The following DGLUCY variants were observed in gnomAD, a reference collection of about 807,000 sequenced individuals.
The protein encoded by DGLUCY is D-glutamate cyclase, also known as D-glutamate cyclase, mitochondrial.
Under a neutral mutation model 58.5 loss-of-function variants are expected in DGLUCY, and 58 were observed. The observed-to-expected ratio is 0.99, with a 90% confidence interval of 0.80 to 1.23. DGLUCY has a LOEUF of 1.23. DGLUCY is among the 50% of genes most tolerant of loss of function. DGLUCY has a pLI of 0.00. For synonymous variants in DGLUCY, 325 were observed against 314.1 expected (o/e 1.03, Z -0.37); for missense variants, 779 against 784.7 (o/e 0.99, Z 0.09).
At chr14:91,213,728 C>G (rs1886085912) in intron 12 of DGLUCY, among the ~76,000 whole-genome samples, 1 of 83,552 alleles carries the variant, frequency 1.2e-5, no homozygotes, top group African/African-American at 4.7e-5. Flanking sequence ...GTTACGGAGT[C>G]TTGGTCTGTT....
At chr14:91,098,583 TC>T (rs2044433225) in intron 1 of DGLUCY, among the ~76,000 whole-genome samples, 1 of 152,228 alleles carries the variant, frequency 6.6e-6, no homozygotes, top group African/African-American at 2.4e-5. Flanking sequence ...AACAACTGGC[TC>T]ACAAACTTCC....
At chr14:91,168,007 G>A (rs529257879) in intron 4 of DGLUCY, among the ~76,000 whole-genome samples, 3 of 152,318 alleles carry the variant, frequency 2.0e-5, no homozygotes, top group East Asian at 3.9e-4. Context: ...GTTCATGCCT[G>A]TAATCCCAGT....
intron 1 of DGLUCY, among the ~76,000 whole-genome samples, chr14:91,066,417 A>G (rs1470077252): frequency 1.3e-5 from 2 of 151,650 alleles, no homozygotes; most frequent in East Asian, 3.9e-4. Context: ...AAGGAAAGAA[A>G]AGAAACTGAC....
chr14:91,224,768 C>G lies in DGLUCY; in HGVS notation c.1801C>G (p.Pro601Ala), dbSNP rs546491574. The G allele has an allele frequency of 1.2e-6, 2 of 1,613,678 alleles. No homozygotes were observed. The highest frequency in any genetic ancestry group is 1.7e-4 in the Middle Eastern group (1 of 6,060). ...GIVGMEVDGL[P>A]FHNTHAEMIQ... is the part of the protein sequence containing the mutation. ...CGTGGGCATGGAGGTGGATGGGCTG[C>G]CCTTCCACAACACCCACGCCGAGAT... is the stretch of plus-strand genomic sequence containing the variant. The change falls in exon 14 of 14, where the codon CCC becomes GCC. Residue 601 changes from proline to alanine, a missense_variant. By Grantham distance (27) the Pro-to-Ala change is conservative (BLOSUM62 -1). Transcript: ENST00000256324.
At chr14:91,218,408 T>C (rs544959788) in intron 13 of DGLUCY, among the ~76,000 whole-genome samples, 8 of 152,012 alleles carry the variant, frequency 5.3e-5, no homozygotes, top group African/African-American at 9.6e-5. Flanking sequence ...ATGGGGATTT[T>C]TTTTTTTTTT....
At chr14:91,157,162 G>GAT (rs2047686469) in intron 1 of DGLUCY, among the ~76,000 whole-genome samples, 5 of 138,794 alleles carry the variant, frequency 3.6e-5, no homozygotes, top group Admixed American at 7.4e-5. Context: ...TGGATGAATG[G>GAT]GTGGATGGAT....
At chr14:91,085,697 G>T (rs2044205681) in intron 1 of DGLUCY, among the ~76,000 whole-genome samples, 1 of 152,006 alleles carries the variant, frequency 6.6e-6, no homozygotes, top group South Asian at 2.1e-4. Context: ...AGCCTCCCAG[G>T]TAGCTGGGAT....
At chr14:91,086,990 G>A (rs1356566446) in intron 1 of DGLUCY, among the ~76,000 whole-genome samples, 1 of 152,056 alleles carries the variant, frequency 6.6e-6, no homozygotes, top group East Asian at 1.9e-4. Context: ...AATTCCCCCA[G>A]GACAAGGACA....
At chr14:91,206,845 G>A (rs569384382) in intron 12 of DGLUCY, among the ~76,000 whole-genome samples, 10 of 152,228 alleles carry the variant, frequency 6.6e-5, no homozygotes, top group Middle Eastern at 3.4e-3. Context: ...TCTTTTAAAA[G>A]TATGATTAAT....
intron 1 of DGLUCY, among the ~76,000 whole-genome samples, chr14:91,080,728 T>G (rs10142981): frequency 0.29 from 44,043 of 152,026 alleles, 6,470 homozygotes; most frequent in African/African-American, 0.32. Context: ...ACTCATCATA[T>G]AAGAGAGCTT....
intron 13 of DGLUCY, among the ~76,000 whole-genome samples, chr14:91,220,130 G>A (rs964773343): frequency 2.0e-5 from 3 of 152,130 alleles, no homozygotes; most frequent in South Asian, 2.1e-4. Context: ...TAAAAACATC[G>A]GGCCTGCCTT....
chr14:91,135,602 A>T (rs1426497956), intron 1 of DGLUCY, among the ~76,000 whole-genome samples: 1 of 147,684 alleles, frequency 6.8e-6, no homozygotes, highest in East Asian at 2.1e-4. Context: ...GCGAGCCGAG[A>T]TCGAGCCACT....
At chr14:91,189,434 G>C (rs1359585221) in intron 9 of DGLUCY, among the ~76,000 whole-genome samples, 1 of 152,210 alleles carries the variant, frequency 6.6e-6, no homozygotes, top group African/African-American at 2.4e-5. Flanking sequence ...ACCTGCTGCT[G>C]TCCCTTTGCA....
chr14:91,204,089 A>G (rs1335645833), intron 11 of DGLUCY, among the ~76,000 whole-genome samples: 1 of 152,248 alleles, frequency 6.6e-6, no homozygotes, highest in African/African-American at 2.4e-5. Flanking sequence ...CATTTTTAAT[A>G]TGTATTTATT....
chr14:91,188,405 G>A (rs1293001988), intron 8 of DGLUCY, among the ~76,000 whole-genome samples: 1 of 152,194 alleles, frequency 6.6e-6, no homozygotes, highest in Non-Finnish European at 1.5e-5. Context: ...TTCACTGCTG[G>A]GGTCAGGGGG....
In DGLUCY at chr14:91,160,435, A is replaced by G. The variant is rs1012266148; in HGVS notation, c.103+38A>G. On this transcript the variant is annotated intron_variant, in intron 3 of 13. Coordinates refer to ENST00000256324, the MANE Select transcript of DGLUCY (RefSeq NM_001102368.3). ...AGATAGTTAAAAAAAAAAAAAAAAA[A>G]AAAAAAGAAAGTTCCTGGGAATTAC... The G allele has an allele frequency of 3.5e-6, 5 of 1,432,844 alleles. 1 individual carries two copies. The highest frequency in any genetic ancestry group is 2.3e-5 in the East Asian group (1 of 42,724). 88.8% of individuals were successfully genotyped at this position (1,432,844 alleles called of 1,614,324 possible). A position where few individuals can be genotyped will look rare whatever the true frequency, so the allele number is the denominator to read the frequency against.
At chr14:91,144,671 T>C (rs543063774) in intron 1 of DGLUCY, among the ~76,000 whole-genome samples, 1 of 152,300 alleles carries the variant, frequency 6.6e-6, no homozygotes, top group Admixed American at 6.5e-5. Context: ...TTAAGTGGCA[T>C]GCTCTGTCCT....
At position 91,215,547 on chromosome 14, in the gene DGLUCY, G is replaced by A. The variant is rs756064073; in HGVS notation, c.1707G>A (p.Ser569=). ...AGGCCTGGACTCAGGCCCTCCCGTC[G>A]GTCATTAAGGTAACAAACCCCAGCC... ...GDQAWTQALP[S]VIKEEKMLGI... is the part of the protein sequence containing the mutation. The change falls in exon 13 of 14, where the codon TCG becomes TCA. Residue 569 remains serine (S), a synonymous_variant. Transcript: ENST00000256324. 25 of 1,613,554 alleles carry A rather than the reference G, an allele frequency of 1.5e-5. 1 individual carries two copies. In the Admixed American group the frequency reaches 1.7e-4, roughly 11 times the overall value.
intron 12 of DGLUCY, among the ~76,000 whole-genome samples, chr14:91,205,735 T>G (rs890635430): frequency 3.0e-5 from 4 of 133,068 alleles, no homozygotes; most frequent in Non-Finnish European, 6.7e-5. Context: ...TGAGTCATTT[T>G]CAAGTAGGCC....
Sources: allele counts gnomAD v4.1 joint callset (sites outside exome capture counted in the v4.1 genomes callset), GRCh38; gene constraint gnomAD v4.1.1; transcripts MANE v1.5; gene names NCBI Gene and HGNC (gene_info 2026-07-23, HGNC 2026-07-21).